The following PKHD1 variants were observed in gnomAD, a reference collection of about 807,000 sequenced individuals.
The protein encoded by PKHD1 is fibrocystin.
A neutral mutation model predicts 412.0 loss-of-function variants in PKHD1; 291 were observed. The observed-to-expected ratio is 0.71, with a 90% CI of 0.64 to 0.78. PKHD1 has a LOEUF of 0.78. PKHD1 is among the 30% of genes least tolerant of loss of function. PKHD1 has a pLI of 0.00. For missense variants in PKHD1, 4,825 were observed against 4,950.7 expected (o/e 0.97, Z 0.76); for synonymous variants, 1,777 against 1,821.5 (o/e 0.98, Z 0.62).
chr6:51,912,589 G>C lies in PKHD1; in HGVS notation c.6122-13C>G. 3 of 1,567,280 alleles carry C rather than the reference G, an allele frequency of 1.9e-6. No homozygotes were observed. Among genetic ancestry groups the C allele is most frequent in the African/African-American group, 1.4e-5 (1 of 74,062 alleles). On this transcript the variant is annotated splice_polypyrimidine_tract_variant and intron_variant, in intron 37 of 66. Coordinates refer to ENST00000371117, the MANE Select transcript of PKHD1 (RefSeq NM_138694.4). ...TCTGGTAGTGAACCTAAAGCAGCCCGAGGAAAAGTTGTCCAGATAATTTAA... is the reference window on the plus strand; with the variant it reads ...TCTGGTAGTGAACCTAAAGCAGCCCCAGGAAAAGTTGTCCAGATAATTTAA...
At chr6:51,938,701 T>C (rs1787922539) in intron 36 of PKHD1, among the ~76,000 whole-genome samples, 2 of 151,596 alleles carry the variant, frequency 1.3e-5, no homozygotes, top group Non-Finnish European at 3.0e-5. Flanking sequence ...TTTGCTGCCA[T>C]GACTCAGATC....
chr6:51,989,901 GAGGAAGGAAGGA>G (rs1562072321), intron 35 of PKHD1, among the ~76,000 whole-genome samples: 12 of 2,722 alleles, frequency 4.4e-3, no homozygotes, highest in Admixed American at 5.3e-3. Flanking sequence ...AGGAAGGAGG[GAGGAAGGAAGGA>G]AGGAAGGAAG....
At chr6:51,680,182 T>C (rs1776451768) in intron 60 of PKHD1, among the ~76,000 whole-genome samples, 1 of 152,026 alleles carries the variant, frequency 6.6e-6, no homozygotes, top group Non-Finnish European at 1.5e-5. Context: ...ATAGTCTCTC[T>C]AGCAGTACTA....
intron 57 of PKHD1, among the ~76,000 whole-genome samples, chr6:51,750,078 T>C (rs1205158639): frequency 6.6e-6 from 1 of 152,140 alleles, no homozygotes; most frequent in East Asian, 1.9e-4. Flanking sequence ...TTTTCAGAAA[T>C]GAGAAACTAG....
intron 60 of PKHD1, among the ~76,000 whole-genome samples, chr6:51,717,268 T>C (rs1307046134): frequency 6.6e-6 from 1 of 152,016 alleles, no homozygotes; most frequent in Non-Finnish European, 1.5e-5. Flanking sequence ...AAAAATTAGC[T>C]GGGCATGGTG....
chr6:51,858,695 G>C (rs1223886048), intron 48 of PKHD1, among the ~76,000 whole-genome samples: 1 of 152,084 alleles, frequency 6.6e-6, no homozygotes, highest in Non-Finnish European at 1.5e-5. Context: ...TTTAGTTAAT[G>C]ATTGACCATA....
At position 51,827,462 on chromosome 6, in the gene PKHD1, C is replaced by T. The variant is rs139412591; in HGVS notation, c.8302+3399G>A. ...GTTTACAGCTTGTCCAATGTCACAC[C>T]GTTGTAAATGTCAGAAGCCAAATGT... On this transcript the variant is annotated intron_variant, in intron 52 of 66. Coordinates refer to ENST00000371117, the MANE Select transcript of PKHD1 (RefSeq NM_138694.4). Among the ~76,000 whole-genome samples the T allele has an allele frequency of 7.4e-4, 113 of 152,124 alleles. No homozygotes were observed. The South Asian group carries it at 0.014, about 18-fold the overall frequency.
At chr6:51,745,107 TCC>T (rs938403102) in intron 59 of PKHD1, among the ~76,000 whole-genome samples, 1 of 152,108 alleles carries the variant, frequency 6.6e-6, no homozygotes, top group Non-Finnish European at 1.5e-5. Context: ...TTATTTTATT[TCC>T]CCTAATCTAA....
At position 51,885,947 on chromosome 6, in the gene PKHD1, A is replaced by AT; in HGVS notation, c.7134dup (p.Phe2379IlefsTer7). On this transcript the variant is annotated frameshift_variant, in exon 45 of 67. Coordinates refer to ENST00000371117, the MANE Select transcript of PKHD1 (RefSeq NM_138694.4). LOFTEE classifies it high-confidence loss of function. ...GTGACATTATCCCAAGGTGGCTGAA[A>AT]TTTAGGGTATACAAAGAGACCATAC... 1 of 1,610,112 alleles carries AT rather than the reference A, an allele frequency of 6.2e-7. No homozygotes were observed. The highest frequency in any genetic ancestry group is 1.1e-5 in the South Asian group (1 of 90,962).
chr6:51,872,875 C>CTTTT (rs33953182), intron 46 of PKHD1, among the ~76,000 whole-genome samples: 26 of 81,492 alleles, frequency 3.2e-4, no homozygotes, highest in African/African-American at 1.2e-3. Flanking sequence ...CCATCGTTTC[C>CTTTT]TTTTTTTTTT....
At position 52,045,074 on chromosome 6, in the gene PKHD1, G is replaced by T; in HGVS notation, c.2607C>A (p.Asn869Lys). The stretch of plus-strand genomic sequence containing the variant: ...CTGCAGCAGGATTCACTCCAGTAAG[G>T]TTTTCATCAGAGACCTGAGATGGTT... Reference protein sequence around the residue: ...LPNFIRVSDENLTGVNPAAAT... With the variant: ...LPNFIRVSDEKLTGVNPAAAT... Residue 869 changes from asparagine to lysine, a missense_variant, in exon 25 of 67, where the codon AAC becomes AAA. Asn to Lys is a moderately conservative substitution (Grantham distance 94). Transcript: ENST00000371117. The T allele has an allele frequency of 1.2e-6, 2 of 1,613,454 alleles. No homozygotes were observed. The highest frequency in any genetic ancestry group is 1.7e-6 in the Non-Finnish European group (2 of 1,179,442).
At chr6:51,912,283 A>G (rs1035986287) in intron 38 of PKHD1, 83 bp downstream of exon 38, 16 of 853,794 alleles carry the variant, frequency 1.9e-5, no homozygotes, top group Non-Finnish European at 3.2e-5. Flanking sequence ...TCATTGAAAG[A>G]CCCCAATACA....
At chr6:51,888,316 T>A (rs1016482542) in intron 43 of PKHD1, among the ~76,000 whole-genome samples, 1 of 152,212 alleles carries the variant, frequency 6.6e-6, no homozygotes, top group African/African-American at 2.4e-5. Flanking sequence ...AGTTTGGGGA[T>A]CTAATTCTGA....
At chr6:51,718,901 A>G (rs1781576103) in intron 60 of PKHD1, among the ~76,000 whole-genome samples, 1 of 152,178 alleles carries the variant, frequency 6.6e-6, no homozygotes, top group African/African-American at 2.4e-5. Context: ...GTTGTAAGAA[A>G]TTATCATTTA....
At chr6:51,679,933 G>A (rs1054017146) in intron 60 of PKHD1, among the ~76,000 whole-genome samples, 2 of 151,922 alleles carry the variant, frequency 1.3e-5, no homozygotes, top group African/African-American at 4.8e-5. Context: ...CAGGACTCTG[G>A]AGCAAACTGC....
chr6:51,721,661 C>A, intron 60 of PKHD1: 2 of 1,203,032 alleles, frequency 1.7e-6, no homozygotes, highest in East Asian at 8.5e-5. Context: ...CCTACTCCCC[C>A]ATATCTGCTA....
intron 35 of PKHD1, among the ~76,000 whole-genome samples, chr6:51,988,223 C>T (rs1399107819): frequency 6.6e-6 from 1 of 152,138 alleles, no homozygotes; most frequent in Non-Finnish European, 1.5e-5. Flanking sequence ...CTGGGCTTCA[C>T]AGTATATACA....
intron 55 of PKHD1, among the ~76,000 whole-genome samples, chr6:51,764,246 G>A (rs1788561935): frequency 1.3e-5 from 2 of 149,614 alleles, no homozygotes; most frequent in Admixed American, 6.8e-5. Flanking sequence ...ATCAAAAAGT[G>A]GGCGAAAGAC....
intron 60 of PKHD1, among the ~76,000 whole-genome samples, chr6:51,687,167 A>T (rs1381410806): frequency 6.6e-6 from 1 of 152,214 alleles, no homozygotes; most frequent in East Asian, 1.9e-4. Flanking sequence ...TGAATTAAAC[A>T]TGAGGCAAGA....
Sources: gnomAD v4.1 joint callset for allele counts (sites outside exome capture counted in the v4.1 genomes callset) on GRCh38, gnomAD v4.1.1 for gene constraint, MANE v1.5 for transcripts, NCBI Gene and HGNC (gene_info 2026-07-23, HGNC 2026-07-21) for gene names.